TSHZ2: variants seen among roughly 807,000 people sequenced by gnomAD.
The protein encoded by TSHZ2 is teashirt zinc finger homeobox 2.
A neutral mutation model predicts 74.4 loss-of-function variants in TSHZ2; 21 were observed. The observed-to-expected ratio is 0.28, with a 90% CI of 0.20 to 0.41. The LOEUF is 0.41. Ranked by LOEUF, TSHZ2 falls within the 10% of genes least tolerant of loss-of-function variation. The pLI is 1.00. For synonymous variants in TSHZ2, 540 were observed against 515.3 expected, an observed-to-expected ratio of 1.05 and a Z score of -0.65; for missense variants, 1,244 against 1,293.5, an observed-to-expected ratio of 0.96 and a Z score of 0.59.
chr20:53,310,423 A>C lies in TSHZ2; in HGVS notation c.*8+53852A>C, dbSNP rs1207738711. 2.0e-5 allele frequency among the ~76,000 whole-genome samples: 3 copies of C among 152,170 alleles called. No individual in the cohort carries two copies. The East Asian group carries it at 5.8e-4, about 29-fold the overall frequency. On this transcript the variant is annotated intron_variant, in intron 2 of 2. Coordinates refer to ENST00000371497, the MANE Select transcript of TSHZ2 (RefSeq NM_173485.6). ...CTGCTGCTGTGAAACTAATTACCCC[A>C]AACTTAATGGCTTTAAACAACATGT...
chr20:52,984,859 G>T (rs1376779160), intron 1 of TSHZ2, among the ~76,000 whole-genome samples: 3 of 152,136 alleles, frequency 2.0e-5, no homozygotes, highest in Non-Finnish European at 4.4e-5. Context: ...GGGTGCTAGT[G>T]AAAAAGAGGC....
At chr20:53,343,315 G>A (rs994306105) in intron 2 of TSHZ2, among the ~76,000 whole-genome samples, 1 of 152,156 alleles carries the variant, frequency 6.6e-6, no homozygotes, top group Non-Finnish European at 1.5e-5. Flanking sequence ...ACTGGGAGTA[G>A]CGAGGCTGGA....
chr20:52,997,262 G>GA (rs1555813120), intron 1 of TSHZ2, among the ~76,000 whole-genome samples: 6 of 135,464 alleles, frequency 4.4e-5, no homozygotes, highest in South Asian at 2.2e-4. Flanking sequence ...CTTGCCCCGG[G>GA]GGGGGGTTCA....
At chr20:53,234,297 T>C (rs1346827573) in intron 1 of TSHZ2, among the ~76,000 whole-genome samples, 2 of 151,958 alleles carry the variant, frequency 1.3e-5, no homozygotes, top group Non-Finnish European at 2.9e-5. Flanking sequence ...CCTTTGGGAG[T>C]TGAAAATGTC....
chr20:53,114,592 G>A lies in TSHZ2; in HGVS notation c.41-138907G>A, dbSNP rs535775664. Among the ~76,000 whole-genome samples the A allele has an allele frequency of 8.5e-5, 13 of 152,282 alleles. No individual in the cohort carries two copies. The South Asian group carries it at 1.9e-3, about 22-fold the overall frequency. ...TGTCAGCAAGTTAGAAATTTGAGGT[G>A]TAAAATGGGCTTCTCAGTGCAAACT... On this transcript the variant is annotated intron_variant, in intron 1 of 2. Transcript: ENST00000371497.
intron 2 of TSHZ2, among the ~76,000 whole-genome samples, chr20:53,350,408 T>C (rs1568880527): frequency 6.6e-6 from 1 of 152,254 alleles, no homozygotes; most frequent in Non-Finnish European, 1.5e-5. Flanking sequence ...TGAAGTCTCC[T>C]GTAGTTCTCT....
chr20:53,025,968 G>A (rs932655514), intron 1 of TSHZ2, among the ~76,000 whole-genome samples: 1 of 152,134 alleles, frequency 6.6e-6, no homozygotes, highest in East Asian at 1.9e-4. Context: ...AGTAGAGCCC[G>A]TTAGGATTGC....
chr20:53,011,980 A>T (rs1016416842), intron 1 of TSHZ2, among the ~76,000 whole-genome samples: 6 of 152,198 alleles, frequency 3.9e-5, no homozygotes, highest in Admixed American at 2.0e-4. Context: ...AAAGGGAAGC[A>T]CAGAGAATTG....
intron 2 of TSHZ2, among the ~76,000 whole-genome samples, chr20:53,297,009 A>G (rs1234323650): frequency 6.6e-6 from 1 of 152,244 alleles, no homozygotes; most frequent in Non-Finnish European, 1.5e-5. Context: ...AGGTAGAGAA[A>G]GTCACATGAT....
chr20:53,321,402 CTT>C (rs1440473971), intron 2 of TSHZ2, among the ~76,000 whole-genome samples: 1 of 151,956 alleles, frequency 6.6e-6, no homozygotes, highest in East Asian at 1.9e-4. Flanking sequence ...ATAGAAATTC[CTT>C]GTCAGGTGCG....
chr20:52,980,539 C>T (rs1981526346), intron 1 of TSHZ2, among the ~76,000 whole-genome samples: 1 of 152,292 alleles, frequency 6.6e-6, no homozygotes, highest in East Asian at 1.9e-4. Context: ...AAAATCACCC[C>T]TGAGCTTTCT....
chr20:53,174,937 C>T (rs942774919), intron 1 of TSHZ2, among the ~76,000 whole-genome samples: 3 of 151,978 alleles, frequency 2.0e-5, no homozygotes, highest in Non-Finnish European at 4.4e-5. Flanking sequence ...TGCAGGACCC[C>T]ATTTCTGAGG....
rs138285966 is a variant in TSHZ2 at position 53,379,771 on chromosome 20, G to GA, written c.*9-107364dup. On this transcript the variant is annotated intron_variant, in intron 2 of 2. Transcript: ENST00000371497. The stretch of plus-strand genomic sequence containing the variant: ...TCAAAACAACCCCAAGAGTCTATGG[G>GA]AAAAAAAAATGGCTTTCTTCCAAAG... Among the ~76,000 whole-genome samples the GA allele has an allele frequency of 9.9e-3, 1,488 of 150,266 alleles. 20 individuals carry two copies. Among genetic ancestry groups the GA allele is most frequent in the African/African-American group, 0.034 (1,377 of 41,010 alleles).
chr20:53,178,286 A>G (rs1164120324), intron 1 of TSHZ2: 3 of 152,204 alleles, frequency 2.0e-5, no homozygotes, highest in African/African-American at 7.2e-5. Flanking sequence ...CTTGCTCTCT[A>G]AACTCATCAT....
intron 2 of TSHZ2, among the ~76,000 whole-genome samples, chr20:53,460,054 G>C (rs1052387000): frequency 1.5e-4 from 23 of 152,004 alleles, no homozygotes; most frequent in African/African-American, 5.6e-4. Flanking sequence ...CTCTTCTCAA[G>C]GAGTATCTTT....
intron 2 of TSHZ2, among the ~76,000 whole-genome samples, chr20:53,332,318 T>A (rs886595043): frequency 1.3e-5 from 2 of 152,076 alleles, no homozygotes; most frequent in African/African-American, 4.8e-5. Context: ...GCATTAGCTA[T>A]GGAAAGAACA....
At chr20:53,368,385 T>C (rs948638812) in intron 2 of TSHZ2, among the ~76,000 whole-genome samples, 2 of 152,230 alleles carry the variant, frequency 1.3e-5, no homozygotes, top group African/African-American at 4.8e-5. Flanking sequence ...CTTCGGCTCA[T>C]GGCAACCTCT....
At chr20:53,140,384 C>CA (rs1206182789) in intron 1 of TSHZ2, among the ~76,000 whole-genome samples, 4 of 151,202 alleles carry the variant, frequency 2.6e-5, no homozygotes, top group African/African-American at 7.3e-5. Context: ...ACTAAAAATA[C>CA]AAAAAATTAG....
At chr20:53,278,751 A>G (rs909721508) in intron 2 of TSHZ2, among the ~76,000 whole-genome samples, 4 of 152,210 alleles carry the variant, frequency 2.6e-5, no homozygotes, top group Non-Finnish European at 4.4e-5. Flanking sequence ...CTAAATGAGG[A>G]GTCATCAATT....
Sources: allele counts gnomAD v4.1 joint callset (sites outside exome capture counted in the v4.1 genomes callset), GRCh38; gene constraint gnomAD v4.1.1; transcripts MANE v1.5; gene names NCBI Gene and HGNC (gene_info 2026-07-23, HGNC 2026-07-21).